FAXC: variants seen among roughly 807,000 people sequenced by gnomAD.
FAXC encodes the protein failed axon connections homolog, metaxin like GST domain containing, also known as failed axon connections homolog.
Under a neutral mutation model 41.9 loss-of-function variants are expected in FAXC, and 10 were observed. The observed-to-expected ratio is 0.24, with a 90% CI of 0.15 to 0.41. The LOEUF is 0.41. Among genes scored for constraint, FAXC ranks in the 10% least tolerant of loss-of-function variants. The pLI is 1.00. For synonymous variants in FAXC, 183 were observed against 183.8 expected, an observed-to-expected ratio of 1.00 and a Z score of 0.03; for missense variants, 399 against 510.9, an observed-to-expected ratio of 0.78 and a Z score of 2.11.
At chr6:99,291,934 C>A in intron 4 of FAXC, 114 bp from the exon 5 acceptor site, 1 of 800,238 alleles carries the variant, frequency 1.2e-6, no homozygotes, top group Non-Finnish European at 2.2e-6. Context: ...AAAAGCTTTG[C>A]AGAATCGAAA....
chr6:99,328,966 T>C (rs1164657932), intron 3 of FAXC, among the ~76,000 whole-genome samples: 3 of 152,186 alleles, frequency 2.0e-5, no homozygotes, highest in African/African-American at 4.8e-5. Flanking sequence ...GACACATACT[T>C]AAATAGAAAA....
intron 4 of FAXC, among the ~76,000 whole-genome samples, chr6:99,304,693 C>T (rs547295412): frequency 6.6e-6 from 1 of 152,282 alleles, no homozygotes; most frequent in South Asian, 2.1e-4. Context: ...TTATTGAGTG[C>T]CTACTGTTTA....
rs909098736 is a variant in FAXC at position 99,274,956 on chromosome 6, A to G, written c.*6208T>C. ...GAGCATTCCTCTTTTTTAGCCCTCA[A>G]TGAACAATTATATTATATTCCCTTT... On this transcript the variant is annotated 3_prime_UTR_variant, in exon 6 of 6. Transcript: ENST00000389677. 2 of 152,176 alleles carry G rather than the reference A, an allele frequency of 1.3e-5. No individual in the cohort carries two copies. Among genetic ancestry groups the G allele is most frequent in the African/African-American group, 4.8e-5 (2 of 41,442 alleles). 9.4% of individuals were successfully genotyped at this position (152,176 alleles called of 1,614,324 possible). A position where few individuals can be genotyped will look rare whatever the true frequency, so the allele number is the denominator to read the frequency against.
intron 4 of FAXC, among the ~76,000 whole-genome samples, chr6:99,297,453 C>G (rs2128452041): frequency 6.6e-6 from 1 of 152,260 alleles, no homozygotes; most frequent in South Asian, 2.1e-4. Context: ...AACAAGCAAG[C>G]TGCAAAGCTG....
chr6:99,341,636 GGAAA>G (rs1292929105), intron 2 of FAXC, among the ~76,000 whole-genome samples: 2 of 152,052 alleles, frequency 1.3e-5, no homozygotes, highest in African/African-American at 2.4e-5. Flanking sequence ...CAGAATGACA[GGAAA>G]GAGACAAATC....
At chr6:99,286,993 A>G (rs72921075) in intron 5 of FAXC, among the ~76,000 whole-genome samples, 12,381 of 152,264 alleles carry the variant, frequency 0.081, 555 homozygotes, top group South Asian at 0.13. Flanking sequence ...GACAGTAATT[A>G]CCGAGCAAGA....
intron 3 of FAXC, among the ~76,000 whole-genome samples, chr6:99,325,676 G>A (rs126851): frequency 0.88 from 133,239 of 152,230 alleles, 58,799 homozygotes; most frequent in East Asian, 1. Context: ...CAATTTTCAC[G>A]TTCCCTTAGA....
At chr6:99,281,651 C>A (rs1304730421) in intron 5 of FAXC, among the ~76,000 whole-genome samples, 198 bp from the exon 6 acceptor site, 1 of 152,130 alleles carries the variant, frequency 6.6e-6, no homozygotes, top group Non-Finnish European at 1.5e-5. Context: ...ATAACAGAGG[C>A]CTGAGAGAGC....
At position 99,289,370 on chromosome 6, in the gene FAXC, G is replaced by T. The variant is rs191076839; in HGVS notation, c.940+2334C>A. Among the ~76,000 whole-genome samples the T allele has an allele frequency of 2.6e-3, 395 of 152,296 alleles. 6 individuals are homozygous for T. The highest frequency in any genetic ancestry group is 0.024 in the Admixed American group (369 of 15,294). On this transcript the variant is annotated intron_variant, in intron 5 of 5. Transcript: ENST00000389677. ...TGAAAGCTAAAAATATCATAAGTCA[G>T]CTGGGCACAGTGGTTCATACCTGTT...
intron 4 of FAXC, among the ~76,000 whole-genome samples, chr6:99,319,330 C>T (rs1772501903): frequency 1.4e-5 from 2 of 143,794 alleles, no homozygotes; most frequent in Admixed American, 1.5e-4. Flanking sequence ...TCCCGCGAAG[C>T]GGAGCTTGCA....
intron 4 of FAXC, 99 bp from the exon 5 acceptor site, chr6:99,291,919 T>A: frequency 1.1e-6 from 1 of 888,032 alleles, no homozygotes; most frequent in South Asian, 1.4e-5. Context: ...CCTTTACTGA[T>A]ACCAAAAAGC....
chr6:99,296,454 G>A (rs1046584502), intron 4 of FAXC, among the ~76,000 whole-genome samples: 2 of 152,134 alleles, frequency 1.3e-5, no homozygotes, highest in African/African-American at 4.8e-5. Context: ...TCCCCTGCCA[G>A]CCTCCGAGCT....
intron 4 of FAXC, among the ~76,000 whole-genome samples, chr6:99,302,206 C>G (rs1166067978): frequency 6.6e-6 from 1 of 152,198 alleles, no homozygotes; most frequent in Non-Finnish European, 1.5e-5. Flanking sequence ...CCACATGGAC[C>G]TCTCCATAGA....
At chr6:99,289,826 A>G (rs565940933) in intron 5 of FAXC, among the ~76,000 whole-genome samples, 2 of 152,030 alleles carry the variant, frequency 1.3e-5, no homozygotes, top group African/African-American at 2.4e-5. Flanking sequence ...ATTAACCTAC[A>G]GTAAGGCAAA....
intron 4 of FAXC, among the ~76,000 whole-genome samples, chr6:99,303,034 G>A (rs1200128735): frequency 4.6e-5 from 7 of 152,114 alleles, no homozygotes; most frequent in African/African-American, 2.4e-5. Context: ...CACTTACAGT[G>A]GGGTCAGTGG....
chr6:99,322,487 C>T (rs1316942714), intron 4 of FAXC, among the ~76,000 whole-genome samples: 2 of 152,098 alleles, frequency 1.3e-5, no homozygotes. Flanking sequence ...ACTTAATGTG[C>T]TCTAGAATGA....
chr6:99,313,758 T>C (rs1772233665), intron 4 of FAXC, among the ~76,000 whole-genome samples: 2 of 152,226 alleles, frequency 1.3e-5, no homozygotes, highest in African/African-American at 2.4e-5. Context: ...ATTGAACTTA[T>C]GTTGTTCCAA....
In FAXC at chr6:99,309,292, G is replaced by A. The variant is rs138359812; in HGVS notation, c.823+14152C>T. ...AAAGTCAAAGTCGCTTTTCTCAGAG[G>A]AAGAAAAAGCTAAAATATACCCAGG... On this transcript the variant is annotated intron_variant, in intron 4 of 5. Coordinates refer to ENST00000389677, the MANE Select transcript of FAXC (RefSeq NM_032511.4). 1.6e-4 allele frequency among the ~76,000 whole-genome samples: 24 copies of A among 152,036 alleles called. 1 individual carries two copies. In the East Asian group the frequency reaches 4.4e-3, roughly 28 times the overall value.
At chr6:99,315,767 T>C (rs758002853) in intron 4 of FAXC, among the ~76,000 whole-genome samples, 1 of 152,262 alleles carries the variant, frequency 6.6e-6, no homozygotes, top group African/African-American at 2.4e-5. Context: ...GAGTCCATGC[T>C]TGGCTATCTG....
Sources: allele counts gnomAD v4.1 joint callset (sites outside exome capture counted in the v4.1 genomes callset), GRCh38; gene constraint gnomAD v4.1.1; transcripts MANE v1.5; gene names NCBI Gene and HGNC (gene_info 2026-07-23, HGNC 2026-07-21).